Variants in GABBR2 observed in about 807,000 individuals in gnomAD.
GABBR2 encodes the protein gamma-aminobutyric acid type B receptor subunit 2.
A neutral mutation model predicts 105.6 loss-of-function variants in GABBR2; 23 were observed. The ratio of observed to expected loss-of-function variants is 0.22; its 90% confidence interval spans 0.16 to 0.31. The LOEUF is 0.31. GABBR2 is among the 10% of genes least tolerant of loss of function. GABBR2 has a pLI of 1.00. For synonymous variants in GABBR2, 478 were observed against 499.7 expected (o/e 0.96, Z 0.58); for missense variants, 734 against 1,245.5 (o/e 0.59, Z 6.18).
intron 3 of GABBR2, among the ~76,000 whole-genome samples, chr9:98,539,750 T>A (rs1036324931): frequency 6.6e-6 from 1 of 151,786 alleles, no homozygotes; most frequent in African/African-American, 2.4e-5. Flanking sequence ...ACCCCGTCTC[T>A]ACTAAAAATA....
Position 98,454,017 on chromosome 9 carries a change from G to C in GABBR2, c.1200C>G (p.Leu400=). Residue 400 remains leucine, a synonymous_variant, in exon 7 of 19, where the codon CTC becomes CTG. Transcript: ENST00000259455. This position sits in a 1 kb window ranked among gnomAD's most constrained non-coding sequence, Gnocchi z 4.6. ...AGAAGTTGGTCTCGTTCATGGCATT[G>C]AGGATGATCCTGCCCAGCGTGTGGT... ...YTDHTLGRII[L]NAMNETNFFG... The C allele has an allele frequency of 6.2e-7, 1 of 1,614,138 alleles. No homozygotes were observed. The highest frequency in any genetic ancestry group is 8.5e-7 in the Non-Finnish European group (1 of 1,179,944).
intron 6 of GABBR2, among the ~76,000 whole-genome samples, chr9:98,459,133 A>G (rs1193409594): frequency 6.6e-6 from 1 of 152,234 alleles, no homozygotes; most frequent in East Asian, 1.9e-4. Context: ...TCAAAGAGCC[A>G]AAGACAGGGA....
intron 1 of GABBR2, among the ~76,000 whole-genome samples, chr9:98,584,250 C>G (rs577920001): frequency 6.6e-6 from 1 of 152,282 alleles, no homozygotes; most frequent in African/African-American, 2.4e-5. Context: ...AACTGTCATG[C>G]AATAACTCAA....
chr9:98,470,257 C>T (rs1183713450), intron 6 of GABBR2, among the ~76,000 whole-genome samples: 1 of 152,150 alleles, frequency 6.6e-6, no homozygotes, highest in Non-Finnish European at 1.5e-5. Context: ...TTTCATGCTG[C>T]TGATAAAGAC....
intron 8 of GABBR2, among the ~76,000 whole-genome samples, chr9:98,400,414 C>T (rs759411072): frequency 3.3e-5 from 5 of 152,158 alleles, no homozygotes; most frequent in Admixed American, 6.5e-5. Context: ...ACACAGGAAT[C>T]CTCTGCCAGT....
chr9:98,368,310 A>G (rs1831717389), intron 12 of GABBR2, among the ~76,000 whole-genome samples: 1 of 152,024 alleles, frequency 6.6e-6, no homozygotes, highest in South Asian at 2.1e-4. Context: ...GTAAAAAAAA[A>G]AAAAAAAAGT....
At chr9:98,639,592 G>T (rs73504537) in intron 1 of GABBR2, among the ~76,000 whole-genome samples, 7 of 144,560 alleles carry the variant, frequency 4.8e-5, no homozygotes, top group Non-Finnish European at 1.1e-4. Flanking sequence ...TCTCACACAC[G>T]CATAGACAAA....
At chr9:98,364,935 T>C (rs1378427420) in intron 12 of GABBR2, among the ~76,000 whole-genome samples, 1 of 152,208 alleles carries the variant, frequency 6.6e-6, no homozygotes, top group Non-Finnish European at 1.5e-5. Flanking sequence ...TAAAATTAAG[T>C]GGACCTGAGT....
chr9:98,497,960 C>T (rs1429065867), intron 3 of GABBR2, among the ~76,000 whole-genome samples: 1 of 152,190 alleles, frequency 6.6e-6, no homozygotes, highest in East Asian at 1.9e-4. Flanking sequence ...TTCACTGCAG[C>T]TAAAAGGCAG....
intron 1 of GABBR2, among the ~76,000 whole-genome samples, chr9:98,650,992 G>A (rs1350967626): frequency 6.6e-6 from 1 of 152,066 alleles, no homozygotes; most frequent in African/African-American, 2.4e-5. Context: ...GAGTAGTGAT[G>A]GTGATGGTGG....
At chr9:98,524,409 AAAAC>A (rs780559955) in intron 3 of GABBR2, among the ~76,000 whole-genome samples, 10 of 152,256 alleles carry the variant, frequency 6.6e-5, no homozygotes, top group East Asian at 3.8e-4. Flanking sequence ...GGTTAAAAGA[AAAAC>A]AAACAGCACA....
At chr9:98,379,698 T>C (rs1831938729) in intron 11 of GABBR2, among the ~76,000 whole-genome samples, 1 of 152,250 alleles carries the variant, frequency 6.6e-6, no homozygotes, top group Admixed American at 6.5e-5. Context: ...CTAAGATGTA[T>C]GAAGCCTTAC....
At chr9:98,662,538 C>A in intron 1 of GABBR2, among the ~76,000 whole-genome samples, 1 of 152,064 alleles carries the variant, frequency 6.6e-6, no homozygotes, top group East Asian at 1.9e-4. Context: ...GCTGAGGACC[C>A]CAGGAGTTAT....
chr9:98,362,890 G>A, intron 12 of GABBR2, 53 bp from the exon 13 acceptor site: 8 of 1,429,918 alleles, frequency 5.6e-6, no homozygotes, highest in Middle Eastern at 1.9e-4. Flanking sequence ...AGCTTCCCAC[G>A]CAGCAACTGG....
intron 1 of GABBR2, among the ~76,000 whole-genome samples, chr9:98,657,872 A>T (rs1830204091): frequency 6.6e-6 from 1 of 152,244 alleles, no homozygotes; most frequent in African/African-American, 2.4e-5. Flanking sequence ...CCTGTGAAGA[A>T]GATACCTGCT....
intron 7 of GABBR2, among the ~76,000 whole-genome samples, chr9:98,451,657 A>C (rs1826232177): frequency 6.6e-6 from 1 of 152,096 alleles, no homozygotes. Flanking sequence ...GGGCCTGGGA[A>C]TGTGCATCTC....
intron 1 of GABBR2, among the ~76,000 whole-genome samples, chr9:98,591,495 T>C (rs1829143833): frequency 6.6e-6 from 1 of 152,166 alleles, no homozygotes; most frequent in Non-Finnish European, 1.5e-5. Context: ...CAGATGCCTC[T>C]GGCAGCTGGG....
chr9:98,643,120 T>C (rs1383829027), intron 1 of GABBR2, among the ~76,000 whole-genome samples: 4 of 152,196 alleles, frequency 2.6e-5, no homozygotes, highest in African/African-American at 9.7e-5. Flanking sequence ...CAGGGGGCAC[T>C]GTTGAGCAGG....
intron 3 of GABBR2, among the ~76,000 whole-genome samples, chr9:98,509,231 A>G (rs747025583): frequency 1.3e-5 from 2 of 152,236 alleles, no homozygotes; most frequent in Non-Finnish European, 2.9e-5. Context: ...AGGAAAACTA[A>G]CAAACAGAAA....
Sources: allele counts gnomAD v4.1 joint callset (sites outside exome capture counted in the v4.1 genomes callset), GRCh38; gene constraint gnomAD v4.1.1; non-coding constraint Gnocchi (gnomAD v3.1); transcripts MANE v1.5; gene names NCBI Gene and HGNC (gene_info 2026-07-23, HGNC 2026-07-21).